TMEM87A: variants seen among roughly 807,000 people sequenced by gnomAD.
TMEM87A encodes the protein transmembrane protein 87A.
In TMEM87A, 50 loss-of-function variants were observed where a neutral mutation model predicts 90.0. That is an observed-to-expected ratio of 0.56 (90% confidence interval 0.44 to 0.70). The LOEUF is 0.70. TMEM87A is among the 30% of genes least tolerant of loss of function. The probability of loss-of-function intolerance (pLI) is 0.00; values close to 1 mark genes in which losing one functional copy is unlikely to be tolerated. For synonymous variants in TMEM87A, 226 were observed against 226.7 expected, an observed-to-expected ratio of 1.00 and a Z score of 0.03; for missense variants, 577 against 660.5, an observed-to-expected ratio of 0.87 and a Z score of 1.39.
intron 7 of TMEM87A, among the ~76,000 whole-genome samples, chr15:42,242,734 C>T (rs987077385): frequency 2.0e-5 from 3 of 151,900 alleles, no homozygotes; most frequent in Non-Finnish European, 4.4e-5. Flanking sequence ...TAAATCAGTA[C>T]AATTAAACTA....
At chr15:42,273,050 C>T in intron 1 of TMEM87A, 1 of 683,940 alleles carries the variant, frequency 1.5e-6, no homozygotes, top group Non-Finnish European at 2.6e-6. Context: ...GCTGAAGTGG[C>T]CCTTACATTC....
chr15:42,233,063 A>C lies in TMEM87A; in HGVS notation c.1062+150T>G, dbSNP rs1226056622. The C allele has an allele frequency of 9.2e-6, 5 of 541,348 alleles. No individual in the cohort carries two copies. In the East Asian group the frequency reaches 1.5e-4, roughly 17 times the overall value. 33.5% of individuals were successfully genotyped at this position (541,348 alleles called of 1,614,324 possible). On this transcript the variant is annotated intron_variant, in intron 11 of 19. Coordinates refer to ENST00000389834, the MANE Select transcript of TMEM87A (RefSeq NM_015497.5). ...AAAGCTCTAATAGATTTAAAAGAGA[A>C]CATGAACTATACATATATTTTGAAA...
At chr15:42,221,066 C>T (rs2140917616) in intron 15 of TMEM87A, among the ~76,000 whole-genome samples, 1 of 152,220 alleles carries the variant, frequency 6.6e-6, no homozygotes, top group South Asian at 2.1e-4. Flanking sequence ...GATCCGCCTG[C>T]CTCAGCCGCC....
rs2050923719 is a variant in TMEM87A, at chr15:42,244,036, A to G, written c.622+14T>C. The G allele has an allele frequency of 6.6e-7, 1 of 1,511,724 alleles. No individual in the cohort carries two copies. Among genetic ancestry groups the G allele is most frequent in the Admixed American group, 2.3e-5 (1 of 42,882 alleles). The allele number at this position is 1,511,724 out of a possible 1,614,324, so 93.6% of individuals were successfully genotyped here. A position where few individuals can be genotyped will look rare whatever the true frequency, so the allele number is the denominator to read the frequency against. On this transcript the variant is annotated intron_variant, in intron 7 of 19. Coordinates refer to ENST00000389834, the MANE Select transcript of TMEM87A (RefSeq NM_015497.5). The stretch of plus-strand genomic sequence containing the variant: ...AGATAATAACATAACCATTAAAAAA[A>G]AAACTGAACTTACTGGTAAAAAGAT...
chr15:42,268,053 G>A, intron 2 of TMEM87A, 21 bp from the exon 3 acceptor site: 2 of 1,594,940 alleles, frequency 1.3e-6, no homozygotes, highest in Non-Finnish European at 1.7e-6. Flanking sequence ...AGAAATCTTT[G>A]TTAACAAAAG....
At chr15:42,236,557 C>A in intron 9 of TMEM87A, 138 bp from the exon 10 acceptor site, 1 of 678,456 alleles carries the variant, frequency 1.5e-6, no homozygotes, top group South Asian at 1.8e-5. Context: ...ACCTCTTCCA[C>A]AGTTTTTACA....
intron 2 of TMEM87A, among the ~76,000 whole-genome samples, chr15:42,269,742 C>G (rs1475993605): frequency 6.6e-6 from 1 of 150,672 alleles, no homozygotes; most frequent in Admixed American, 6.6e-5. Context: ...CGAGACCATC[C>G]TGGCTAACAA....
intron 6 of TMEM87A, among the ~76,000 whole-genome samples, chr15:42,251,676 G>A (rs1159859776): frequency 1.3e-5 from 2 of 152,198 alleles, no homozygotes; most frequent in African/African-American, 4.8e-5. Context: ...ACTGGGAGGT[G>A]TCTCCCAGTT....
intron 19 of TMEM87A, among the ~76,000 whole-genome samples, chr15:42,216,517 A>G (rs941887745): frequency 7.9e-5 from 12 of 152,224 alleles, no homozygotes; most frequent in Non-Finnish European, 1.8e-4. Flanking sequence ...GAAGGGCACA[A>G]TCAGGTTTCA....
At chr15:42,219,700 C>T in intron 16 of TMEM87A, 58 bp from the exon 17 acceptor site, 1 of 1,176,648 alleles carries the variant, frequency 8.5e-7, no homozygotes, top group Non-Finnish European at 1.2e-6. Flanking sequence ...ACAATGTTGG[C>T]AAAACGGATT....
chr15:42,243,163 G>A (rs767559679), intron 7 of TMEM87A, among the ~76,000 whole-genome samples: 2 of 152,022 alleles, frequency 1.3e-5, no homozygotes, highest in Non-Finnish European at 2.9e-5. Flanking sequence ...AGCTACTTCG[G>A]AGACTGAGGC....
intron 7 of TMEM87A, 33 bp from the exon 8 acceptor site, chr15:42,239,764 AG>A: frequency 6.3e-7 from 1 of 1,580,000 alleles, no homozygotes; most frequent in Non-Finnish European, 8.7e-7. Context: ...ATTAATTTAC[AG>A]GATGCAGAAA....
chr15:42,244,493 T>C (rs2050935130), intron 6 of TMEM87A, among the ~76,000 whole-genome samples: 1 of 151,944 alleles, frequency 6.6e-6, no homozygotes, highest in Admixed American at 6.6e-5. Flanking sequence ...TTGTGTTTTA[T>C]GCAGACATTA....
rs761504951 is a variant in TMEM87A, at chr15:42,231,864, C to G, written c.1063-604G>C. The G allele has an allele frequency of 3.9e-6, 5 of 1,277,806 alleles. No individual in the cohort carries two copies. In the South Asian group the frequency reaches 6.2e-5, roughly 16 times the overall value. The allele number at this position is 1,277,806 out of a possible 1,614,324, so 79.2% of individuals were successfully genotyped here. A position where few individuals can be genotyped will look rare whatever the true frequency, so the allele number is the denominator to read the frequency against. On this transcript the variant is annotated intron_variant, in intron 11 of 19. Transcript: ENST00000389834. The stretch of plus-strand genomic sequence containing the variant: ...GATATCCATAAAATAACACAGGCGT[C>G]AATTGCTGAGAGGGCCAGGTTTACT...
chr15:42,210,916 C>G lies in TMEM87A; in HGVS notation c.*792G>C, dbSNP rs1461156369. The G allele has an allele frequency of 6.6e-6, 1 of 152,624 alleles. No individual in the cohort carries two copies. The highest frequency in any genetic ancestry group is 6.5e-5 in the Admixed American group (1 of 15,282). The allele number at this position is 152,624 out of a possible 1,614,324, so 9.5% of individuals were successfully genotyped here. ...AACATTGCCTAAGGACCCTGCAATG[C>G]CACCCTTGGAGGCTTACAAAACAGT... On this transcript the variant is annotated 3_prime_UTR_variant, in exon 20 of 20. Coordinates refer to ENST00000389834, the MANE Select transcript of TMEM87A (RefSeq NM_015497.5).
rs1443376240 is a variant in TMEM87A, at chr15:42,210,933, C to T, written c.*775G>A. Reference sequence around the variant, plus strand: ...CTGCAATGCCACCCTTGGAGGCTTACAAAACAGTAGTTAAAAGTTTCGGAG... The same window carrying T: ...CTGCAATGCCACCCTTGGAGGCTTATAAAACAGTAGTTAAAAGTTTCGGAG... On this transcript the variant is annotated 3_prime_UTR_variant, in exon 20 of 20. Coordinates refer to ENST00000389834, the MANE Select transcript of TMEM87A (RefSeq NM_015497.5). The T allele has an allele frequency of 6.6e-6, 1 of 152,544 alleles. No individual in the cohort carries two copies. The highest frequency in any genetic ancestry group is 2.4e-5 in the African/African-American group (1 of 41,414). 9.4% of individuals were successfully genotyped at this position (152,544 alleles called of 1,614,324 possible). A position where few individuals can be genotyped will look rare whatever the true frequency, so the allele number is the denominator to read the frequency against.
In TMEM87A at chr15:42,211,659, G is replaced by C; in HGVS notation, c.*49C>G. The C allele has an allele frequency of 6.4e-7, 1 of 1,569,176 alleles. No individual in the cohort carries two copies. Among genetic ancestry groups the C allele is most frequent in the Non-Finnish European group, 8.8e-7 (1 of 1,141,180 alleles). ...CGTACAGAAGACTGACACAGATGCT[G>C]ATCTCTTCCCTGATGGTAGCCATCT... On this transcript the variant is annotated 3_prime_UTR_variant, in exon 20 of 20. Coordinates refer to ENST00000389834, the MANE Select transcript of TMEM87A (RefSeq NM_015497.5).
intron 1 of TMEM87A, chr15:42,273,000 G>T: frequency 1.6e-6 from 1 of 642,276 alleles, no homozygotes; most frequent in East Asian, 3.1e-5. Context: ...TGAAAGTTCT[G>T]TTTTTCTGAT....
chr15:42,220,561 A>G (rs2050460212), intron 15 of TMEM87A, among the ~76,000 whole-genome samples: 2 of 152,254 alleles, frequency 1.3e-5, no homozygotes, highest in Admixed American at 1.3e-4. Flanking sequence ...AGAGTTAAGT[A>G]AATTCTCATC....
Sources: allele counts gnomAD v4.1 joint callset (sites outside exome capture counted in the v4.1 genomes callset), GRCh38; gene constraint gnomAD v4.1.1; transcripts MANE v1.5; gene names NCBI Gene and HGNC (gene_info 2026-07-23, HGNC 2026-07-21).